CREB3L2: variants seen among roughly 807,000 people sequenced by gnomAD.
CREB3L2 encodes cAMP responsive element binding protein 3 like 2.
A neutral mutation model predicts 57.2 loss-of-function variants in CREB3L2; 23 were observed. That is an observed-to-expected ratio of 0.40 (90% CI 0.29 to 0.57). The LOEUF (loss-of-function observed/expected upper bound fraction) is 0.57. Ranked by LOEUF, CREB3L2 falls within the 20% of genes least tolerant of loss-of-function variation. The pLI is 0.42. For synonymous variants in CREB3L2, 268 were observed against 265.1 expected, an observed-to-expected ratio of 1.01 and a Z score of -0.11; for missense variants, 628 against 634.7, an observed-to-expected ratio of 0.99 and a Z score of 0.11.
At position 137,995,333 on chromosome 7, in the gene CREB3L2, C is replaced by CTTTTTTTTTT. The variant is rs10676214; in HGVS notation, c.102+6261_102+6270dup. On this transcript the variant is annotated intron_variant, in intron 1 of 11. Coordinates refer to ENST00000330387, the MANE Select transcript of CREB3L2 (RefSeq NM_194071.4). Reference sequence around the variant, plus strand: ...CTATTTCTTTTTTTTTCTTTTCTTTCTTTTTTTTTTTTTTTTTTTGAGACA... The same window carrying CTTTTTTTTTT: ...CTATTTCTTTTTTTTTCTTTTCTTTCTTTTTTTTTTTTTTTTTTTTTTTTTTTTTGAGACA... 4.8e-3 allele frequency among the ~76,000 whole-genome samples: 420 copies of CTTTTTTTTTT among 87,430 alleles called. 11 individuals carry two copies. Among genetic ancestry groups the CTTTTTTTTTT allele is most frequent in the Middle Eastern group, 0.014 (1 of 70 alleles). The allele number at this position is 87,430 out of a possible 152,430, so 57.4% of individuals were successfully genotyped here.
intron 4 of CREB3L2, chr7:137,912,707 G>C: frequency 1.3e-6 from 1 of 750,776 alleles, no homozygotes. Flanking sequence ...AGTGTTTGTA[G>C]TAGCAGTCCA....
chr7:137,934,965 T>G (rs764453684), intron 1 of CREB3L2, among the ~76,000 whole-genome samples: 1 of 152,242 alleles, frequency 6.6e-6, no homozygotes, highest in Non-Finnish European at 1.5e-5. Context: ...TTAAACATCC[T>G]GCAACTATCC....
chr7:137,978,235 G>C (rs1801642601), intron 1 of CREB3L2, among the ~76,000 whole-genome samples: 1 of 152,178 alleles, frequency 6.6e-6, no homozygotes, highest in Non-Finnish European at 1.5e-5. Flanking sequence ...TCTCTATACA[G>C]AGATAACTCT....
At chr7:137,982,550 C>G (rs1418388142) in intron 1 of CREB3L2, among the ~76,000 whole-genome samples, 1 of 152,180 alleles carries the variant, frequency 6.6e-6, no homozygotes, top group Non-Finnish European at 1.5e-5. Context: ...GTGAATAAGT[C>G]TCACAAGATC....
In CREB3L2 at chr7:138,002,074, G is replaced by A. The variant is rs1257203715; in HGVS notation, c.-369C>T. Reference sequence around the variant, plus strand: ...GACACAAACTTTGAGGGACCCCAGGGCTCCTCGGCTCTGCTCCAGGACCCA... The same window carrying A: ...GACACAAACTTTGAGGGACCCCAGGACTCCTCGGCTCTGCTCCAGGACCCA... On this transcript the variant is annotated 5_prime_UTR_variant, in exon 1 of 12. Transcript: ENST00000330387. The A allele has an allele frequency of 7.3e-6, 2 of 274,186 alleles. No homozygotes were observed. The highest frequency in any genetic ancestry group is 1.1e-4 in the East Asian group (2 of 17,578). The allele number at this position is 274,186 out of a possible 1,614,324, so 17.0% of individuals were successfully genotyped here.
At position 137,885,340 on chromosome 7, in the gene CREB3L2, G is replaced by A. The variant is rs927199583; in HGVS notation, c.1143+63C>T. 6.4e-6 allele frequency: 9 copies of A among 1,404,986 alleles called. 1 individual carries two copies. Among genetic ancestry groups the A allele is most frequent in the South Asian group, 4.7e-5 (4 of 84,762 alleles). 87.0% of individuals were successfully genotyped at this position (1,404,986 alleles called of 1,614,324 possible). On this transcript the variant is annotated intron_variant, in intron 9 of 11. Coordinates refer to ENST00000330387, the MANE Select transcript of CREB3L2 (RefSeq NM_194071.4). ...ACAGCACTTGGCCTTGGCAAGTGGAGGGAGAGGGGAGACAGGGGCCAGGCC... is the reference window on the plus strand; with the variant it reads ...ACAGCACTTGGCCTTGGCAAGTGGAAGGAGAGGGGAGACAGGGGCCAGGCC...
chr7:137,896,628 C>T (rs1437624096), intron 8 of CREB3L2, among the ~76,000 whole-genome samples: 1 of 152,066 alleles, frequency 6.6e-6, no homozygotes, highest in Non-Finnish European at 1.5e-5. Flanking sequence ...AGGAGGTCCC[C>T]GCTACAATTA....
intron 5 of CREB3L2, 32 bp from the exon 6 acceptor site, chr7:137,905,880 AG>A: frequency 6.4e-7 from 1 of 1,562,748 alleles, no homozygotes; most frequent in Non-Finnish European, 8.6e-7. Context: ...AAAGGGTCAA[AG>A]AAAAAGAACT....
In CREB3L2 at chr7:137,901,058, G is replaced by A. The variant is rs533791091; in HGVS notation, c.1043+296C>T. 5.3e-5 allele frequency among the ~76,000 whole-genome samples: 8 copies of A among 152,282 alleles called. No individual in the cohort carries two copies. In the South Asian group the frequency reaches 1.7e-3, roughly 32 times the overall value. On this transcript the variant is annotated intron_variant, in intron 8 of 11. Transcript: ENST00000330387. ...ATCATTTAGGAAAAGTAAAGAATAT[G>A]CATGTATGTGTACATGTATGTGCAT...
chr7:137,912,375 CAA>C (rs1323783918), intron 4 of CREB3L2, among the ~76,000 whole-genome samples: 15 of 69,730 alleles, frequency 2.2e-4, no homozygotes, highest in Admixed American at 3.5e-4. Flanking sequence ...GACTCTGTCT[CAA>C]AAAAAAAAAA....
intron 1 of CREB3L2, among the ~76,000 whole-genome samples, chr7:137,970,673 G>A (rs764739619): frequency 6.6e-6 from 1 of 152,196 alleles, no homozygotes; most frequent in Non-Finnish European, 1.5e-5. Context: ...AAAAGCTCAG[G>A]TCAAGGAACT....
rs142580632 is a variant in CREB3L2, at chr7:137,901,323, C to A, written c.1043+31G>T. ...TTCCTTCCCCATCTTCCATTGGTAG[C>A]GCAATCAGCTCTCAGTCCAGTGACA... On this transcript the variant is annotated intron_variant, in intron 8 of 11. Coordinates refer to ENST00000330387, the MANE Select transcript of CREB3L2 (RefSeq NM_194071.4). 3.8e-6 allele frequency: 5 copies of A among 1,327,954 alleles called. No homozygotes were observed. The Admixed American group carries it at 8.7e-5, about 23-fold the overall frequency. The allele number at this position is 1,327,954 out of a possible 1,614,324, so 82.3% of individuals were successfully genotyped here.
chr7:137,894,665 G>T (rs1799588790), intron 8 of CREB3L2, among the ~76,000 whole-genome samples: 1 of 152,176 alleles, frequency 6.6e-6, no homozygotes, highest in African/African-American at 2.4e-5. Context: ...GGGCTAGGGT[G>T]AGAGCTCCAG....
intron 2 of CREB3L2, among the ~76,000 whole-genome samples, chr7:137,917,190 C>G (rs559100060): frequency 1.6e-4 from 24 of 152,164 alleles, no homozygotes; most frequent in Non-Finnish European, 2.6e-4. Context: ...AGCTAACAAC[C>G]GAGAGACAAG....
chr7:137,943,079 C>T (rs1563261180), intron 1 of CREB3L2, among the ~76,000 whole-genome samples: 1 of 152,128 alleles, frequency 6.6e-6, no homozygotes, highest in Non-Finnish European at 1.5e-5. Context: ...TTAGACCTAG[C>T]CCTGTCACTA....
At chr7:137,924,966 ACT>A (rs1258367371) in intron 2 of CREB3L2, among the ~76,000 whole-genome samples, 4 of 152,180 alleles carry the variant, frequency 2.6e-5, no homozygotes. Context: ...TGATATAATA[ACT>A]CTCAAAAAAT....
chr7:137,999,021 C>G (rs1585686530), intron 1 of CREB3L2, among the ~76,000 whole-genome samples: 2 of 152,208 alleles, frequency 1.3e-5, no homozygotes, highest in East Asian at 3.9e-4. Context: ...TGAAATCATT[C>G]CAAAAACAGG....
At chr7:137,890,139 C>T (rs1799504049) in intron 8 of CREB3L2, among the ~76,000 whole-genome samples, 1 of 152,012 alleles carries the variant, frequency 6.6e-6, no homozygotes, top group African/African-American at 2.4e-5. Flanking sequence ...GAGACTAAGC[C>T]ATAGACGGAA....
intron 1 of CREB3L2, among the ~76,000 whole-genome samples, chr7:137,943,647 C>A (rs1389140575): frequency 6.6e-6 from 1 of 152,136 alleles, no homozygotes; most frequent in Non-Finnish European, 1.5e-5. Context: ...GAAAAAAATT[C>A]AGGGCCATAG....
Sources: gnomAD v4.1 joint callset for allele counts (sites outside exome capture counted in the v4.1 genomes callset) on GRCh38, gnomAD v4.1.1 for gene constraint, MANE v1.5 for transcripts, NCBI Gene and HGNC (gene_info 2026-07-23, HGNC 2026-07-21) for gene names.